SPATA17: variants seen among roughly 807,000 people sequenced by gnomAD.
SPATA17 encodes the protein spermatogenesis-associated protein 17.
A neutral mutation model predicts 62.2 loss-of-function variants in SPATA17; 53 were observed. The observed-to-expected ratio is 0.85, with a 90% CI of 0.68 to 1.07. The LOEUF (loss-of-function observed/expected upper bound fraction) is 1.07, where lower values mean the gene tolerates loss of function less well. Among genes scored for constraint, SPATA17 ranks in the 50% least tolerant of loss-of-function variants. The pLI, the probability that SPATA17 is intolerant of heterozygous loss-of-function variation, is 0.00. For missense variants in SPATA17, 466 were observed against 425.5 expected (o/e 1.10, Z -0.84); for synonymous variants, 146 against 146.8 (o/e 0.99, Z 0.04).
chr1:217,776,380 A>G (rs1673588694), intron 7 of SPATA17, among the ~76,000 whole-genome samples: 1 of 152,208 alleles, frequency 6.6e-6, no homozygotes, highest in South Asian at 2.1e-4. Flanking sequence ...CTCCCTGAAT[A>G]GGCGTGCCCT....
chr1:217,834,999 C>T (rs1346158718), intron 9 of SPATA17, among the ~76,000 whole-genome samples: 1 of 152,082 alleles, frequency 6.6e-6, no homozygotes, highest in African/African-American at 2.4e-5. Flanking sequence ...GTATTCGGTA[C>T]AGGAACATGC....
At chr1:217,681,301 C>T (rs1249973928) in intron 4 of SPATA17, among the ~76,000 whole-genome samples, 1 of 151,986 alleles carries the variant, frequency 6.6e-6, no homozygotes, top group Non-Finnish European at 1.5e-5. Flanking sequence ...AGCTGTTTTG[C>T]ATATTTCCAG....
At chr1:217,699,449 A>G (rs1281357512) in intron 5 of SPATA17, among the ~76,000 whole-genome samples, 1 of 152,182 alleles carries the variant, frequency 6.6e-6, no homozygotes, top group Non-Finnish European at 1.5e-5. Flanking sequence ...CATTTCCCTA[A>G]TGACTAAGAA....
chr1:217,737,146 T>C (rs1355070549), intron 5 of SPATA17, among the ~76,000 whole-genome samples: 1 of 152,240 alleles, frequency 6.6e-6, no homozygotes, highest in Admixed American at 6.5e-5. Context: ...TCTAACTCTG[T>C]CACTTTCTGG....
At chr1:217,866,242 C>G (rs1307259165) in intron 10 of SPATA17, among the ~76,000 whole-genome samples, 2 of 152,126 alleles carry the variant, frequency 1.3e-5, no homozygotes, top group African/African-American at 4.8e-5. Flanking sequence ...CAAGTTTTGG[C>G]ATAGTGAATT....
chr1:217,656,493 C>G (rs1490788384), intron 3 of SPATA17, among the ~76,000 whole-genome samples: 1 of 151,920 alleles, frequency 6.6e-6, no homozygotes, highest in African/African-American at 2.4e-5. Flanking sequence ...TAGATTGGTT[C>G]ATGATGGTTT....
rs946657211 is a variant in SPATA17, at chr1:217,751,042, T to C, written c.519+8944T>C. 6.7e-4 allele frequency among the ~76,000 whole-genome samples: 102 copies of C among 152,326 alleles called. 1 individual carries two copies. Among genetic ancestry groups the C allele is most frequent in the Non-Finnish European group, 3.5e-4 (24 of 68,030 alleles). ...TCCTACCTTTATGACTGTCCAGCCA[T>C]CCTTCTTTAAAGGATATGCGCTGGT... On this transcript the variant is annotated intron_variant, in intron 6 of 10. Coordinates refer to ENST00000366933, the MANE Select transcript of SPATA17 (RefSeq NM_138796.4).
At chr1:217,801,905 CATTA>C (rs1674323718) in intron 9 of SPATA17, 55 bp downstream of exon 9, 2 of 1,463,886 alleles carry the variant, frequency 1.4e-6, no homozygotes, top group African/African-American at 2.9e-5. Context: ...TAGAAATATA[CATTA>C]ATTAGAGCAA....
At chr1:217,824,954 T>G (rs1482785345) in intron 9 of SPATA17, among the ~76,000 whole-genome samples, 1 of 150,906 alleles carries the variant, frequency 6.6e-6, no homozygotes, top group Non-Finnish European at 1.5e-5. Flanking sequence ...TATGCATATG[T>G]ATAAAATACA....
intron 9 of SPATA17, among the ~76,000 whole-genome samples, chr1:217,838,271 A>C (rs1337675244): frequency 6.6e-6 from 1 of 152,048 alleles, no homozygotes; most frequent in Non-Finnish European, 1.5e-5. Flanking sequence ...TGATTTTAGC[A>C]GAATCTGTGG....
chr1:217,794,126 AAAAAAGAAAGAAAG>A (rs1207156924), intron 8 of SPATA17, among the ~76,000 whole-genome samples: 1 of 151,784 alleles, frequency 6.6e-6, no homozygotes, highest in Non-Finnish European at 1.5e-5. Flanking sequence ...AAAAAAAAAA[AAAAAAGAAAGAAAG>A]AAAAAGAAAG....
At chr1:217,690,075 A>G (rs568950736) in intron 5 of SPATA17, among the ~76,000 whole-genome samples, 2 of 151,904 alleles carry the variant, frequency 1.3e-5, no homozygotes, top group African/African-American at 4.8e-5. Flanking sequence ...GCTAATTTTT[A>G]TAATTTTAGT....
chr1:217,825,247 C>T (rs929699220), intron 9 of SPATA17, among the ~76,000 whole-genome samples: 1 of 151,226 alleles, frequency 6.6e-6, no homozygotes, highest in Non-Finnish European at 1.5e-5. Flanking sequence ...AATAAGAATG[C>T]CAAAAGAATT....
intron 5 of SPATA17, among the ~76,000 whole-genome samples, chr1:217,701,888 A>G (rs1409162439): frequency 6.6e-6 from 1 of 151,954 alleles, no homozygotes; most frequent in African/African-American, 2.4e-5. Flanking sequence ...GCTCTTTCCA[A>G]TGGAAACTTC....
chr1:217,742,919 A>G (rs6673623), intron 6 of SPATA17, among the ~76,000 whole-genome samples: 69,348 of 151,194 alleles, frequency 0.46, 17,369 homozygotes, highest in Non-Finnish European at 0.58. Context: ...CCCCAAGACC[A>G]AATGTCATCC....
At chr1:217,799,208 A>G (rs1030518518) in intron 8 of SPATA17, among the ~76,000 whole-genome samples, 4 of 152,140 alleles carry the variant, frequency 2.6e-5, no homozygotes, top group African/African-American at 9.7e-5. Context: ...AAGAATATGT[A>G]TATATGTTAC....
intron 6 of SPATA17, among the ~76,000 whole-genome samples, chr1:217,772,254 T>C (rs1284973911): frequency 2.0e-5 from 3 of 152,204 alleles, no homozygotes; most frequent in Non-Finnish European, 4.4e-5. Context: ...CTATATTTAC[T>C]GTTATAGTGA....
intron 6 of SPATA17, among the ~76,000 whole-genome samples, chr1:217,765,769 A>T (rs1334875819): frequency 6.6e-6 from 1 of 152,112 alleles, no homozygotes; most frequent in African/African-American, 2.4e-5. Flanking sequence ...GAATTCTCCC[A>T]CTATAATAGT....
At chr1:217,681,122 G>C (rs994897758) in intron 4 of SPATA17, among the ~76,000 whole-genome samples, 10 of 150,928 alleles carry the variant, frequency 6.6e-5, no homozygotes, top group African/African-American at 2.4e-4. Flanking sequence ...AGCTACTCAT[G>C]AAGCTGAGGC....
Sources: gnomAD v4.1 joint callset for allele counts (sites outside exome capture counted in the v4.1 genomes callset) on GRCh38, gnomAD v4.1.1 for gene constraint, MANE v1.5 for transcripts, NCBI Gene and HGNC (gene_info 2026-07-23, HGNC 2026-07-21) for gene names.